MAST2: variants seen among roughly 807,000 people sequenced by gnomAD.
MAST2 encodes microtubule-associated serine/threonine-protein kinase 2.
MAST2 carries 70 observed loss-of-function variants against 147.4 expected under a neutral mutation model. That is an observed-to-expected ratio of 0.47 (90% CI 0.39 to 0.58). MAST2 has a LOEUF of 0.58. Ranked by LOEUF, MAST2 falls within the 20% of genes least tolerant of loss-of-function variation. The pLI, the probability that MAST2 is intolerant of heterozygous loss-of-function variation, is 0.00. For missense variants in MAST2, 2,080 were observed against 2,302.3 expected (o/e 0.90, Z 1.98); for synonymous variants, 869 against 896.8 (o/e 0.97, Z 0.55).
rs1553239188 is a variant in MAST2, at chr1:45,939,989, T to TTTGTTTTTTTTG, written c.501-19395_501-19394insGTTTTTTTTGTT. 3.1e-5 allele frequency among the ~76,000 whole-genome samples: 4 copies of TTTGTTTTTTTTG among 128,882 alleles called. 1 individual carries two copies. Among genetic ancestry groups the TTTGTTTTTTTTG allele is most frequent in the Admixed American group, 1.6e-4 (2 of 12,136 alleles). 84.6% of individuals were successfully genotyped at this position (128,882 alleles called of 152,430 possible). A position where few individuals can be genotyped will look rare whatever the true frequency, so the allele number is the denominator to read the frequency against. On this transcript the variant is annotated intron_variant, in intron 4 of 28. Transcript: ENST00000361297. ...TCTCTATTTATTTAGGGTTTTTTTT[T>TTTGTTTTTTTTG]TTTTTTTTTTTTGAGATGGAGTTTC...
Position 45,940,306 on chromosome 1 carries a change from A to G in MAST2, c.501-19080A>G, listed in dbSNP as rs115845372. ...CCATGCCCGGCCTATTTAGCTTTTT[A>G]AAATTTTCTTTTAGTGTTTCATAGT... is the stretch of plus-strand genomic sequence containing the variant. On this transcript the variant is annotated intron_variant, in intron 4 of 28. Coordinates refer to ENST00000361297, the MANE Select transcript of MAST2 (RefSeq NM_015112.3). Among the ~76,000 whole-genome samples, 508 of 152,018 alleles carry G rather than the reference A, an allele frequency of 3.3e-3. 6 individuals carry two copies. The highest frequency in any genetic ancestry group is 0.012 in the African/African-American group (494 of 41,480).
In MAST2 at chr1:46,035,981, G is replaced by C. The variant is rs1352219787; in HGVS notation, c.5312G>C (p.Ser1771Thr). ...GCPLTQKSEP[S>T]LRRGQEPGGH... Reference sequence around the variant, plus strand: ...CCCCTCACCCAGAAGTCTGAGCCCAGCCTCAGGAGGGGCCAAGAACCAGGG... The same window carrying C: ...CCCCTCACCCAGAAGTCTGAGCCCACCCTCAGGAGGGGCCAAGAACCAGGG... The change falls in exon 29 of 29, where the codon AGC becomes ACC. Residue 1771 changes from serine (S) to threonine (T), a missense_variant. Ser to Thr is a moderately conservative substitution (Grantham distance 58). Coordinates refer to ENST00000361297, the MANE Select transcript of MAST2 (RefSeq NM_015112.3). The surrounding 1 kb of genome is among the most constrained non-coding windows in gnomAD (Gnocchi z 5.5). 1 of 1,613,930 alleles carries C rather than the reference G, an allele frequency of 6.2e-7. No individual in the cohort carries two copies. Among genetic ancestry groups the C allele is most frequent in the Non-Finnish European group, 8.5e-7 (1 of 1,180,034 alleles).
chr1:45,949,426 C>T (rs1479506403), intron 4 of MAST2, among the ~76,000 whole-genome samples: 4 of 152,102 alleles, frequency 2.6e-5, no homozygotes, highest in African/African-American at 9.7e-5. Context: ...AGATACTTTT[C>T]AAAAGAAGGC....
intron 3 of MAST2, among the ~76,000 whole-genome samples, chr1:45,880,138 A>G (rs1646779906): frequency 6.6e-6 from 1 of 152,194 alleles, no homozygotes; most frequent in African/African-American, 2.4e-5. Context: ...GAAGTGAAAT[A>G]TAGCTTGTCA....
At position 45,999,254 on chromosome 1, in the gene MAST2, G is replaced by A. The variant is rs145572801; in HGVS notation, c.668+1455G>A. Among the ~76,000 whole-genome samples, 192 of 152,250 alleles carry A rather than the reference G, an allele frequency of 1.3e-3. 2 individuals are homozygous for A. The East Asian group carries it at 0.014, about 11-fold the overall frequency. The stretch of plus-strand genomic sequence containing the variant: ...TTCAAAACAAATTTTATCCAGGTTT[G>A]TTCCACGGGCTCATCTCTCCTACCC... On this transcript the variant is annotated intron_variant, in intron 6 of 28. Coordinates refer to ENST00000361297, the MANE Select transcript of MAST2 (RefSeq NM_015112.3).
intron 5 of MAST2, among the ~76,000 whole-genome samples, chr1:45,964,552 C>T (rs562466133): frequency 1.2e-4 from 19 of 152,204 alleles, no homozygotes; most frequent in East Asian, 3.9e-4. Context: ...TCTGTGGGAT[C>T]GGTGGTGATA....
intron 18 of MAST2, 155 bp downstream of exon 18, chr1:46,029,088 C>T (rs1646531179): frequency 4.9e-6 from 4 of 820,576 alleles, no homozygotes; most frequent in African/African-American, 1.7e-5. Flanking sequence ...CTCTGTGTTT[C>T]TGCATGTACA....
At chr1:45,839,895 A>G (rs913306525) in intron 3 of MAST2, among the ~76,000 whole-genome samples, 1 of 152,246 alleles carries the variant, frequency 6.6e-6, no homozygotes, top group Non-Finnish European at 1.5e-5. Context: ...GGTAGTCTTC[A>G]TAACAAATGG....
intron 3 of MAST2, among the ~76,000 whole-genome samples, chr1:45,844,123 A>T (rs1052384938): frequency 2.0e-5 from 3 of 152,122 alleles, no homozygotes; most frequent in African/African-American, 7.2e-5. Flanking sequence ...TTTTTGAGAC[A>T]GGATCTTGCT....
intron 1 of MAST2, among the ~76,000 whole-genome samples, chr1:45,820,402 T>C (rs1644585200): frequency 6.6e-6 from 1 of 152,178 alleles, no homozygotes; most frequent in Admixed American, 6.5e-5. Flanking sequence ...AGAATTTTTT[T>C]TTGGTTGCTA....
chr1:45,898,039 G>A (rs1461638498), intron 4 of MAST2, among the ~76,000 whole-genome samples: 1 of 152,134 alleles, frequency 6.6e-6, no homozygotes, highest in African/African-American at 2.4e-5. Context: ...AACCTGGGAG[G>A]TGGAGGTTGC....
In MAST2 at chr1:45,803,820, C is replaced by G. The variant is rs1308889215; in HGVS notation, c.-76C>G. On this transcript the variant is annotated 5_prime_UTR_variant, in exon 1 of 29. Transcript: ENST00000361297. ...TGGTGGCCGCGGGTGGTGGTTGGCGCGGCTGCGCTGCGGCCCGGGGCAGTG... is the reference window on the plus strand; with the variant it reads ...TGGTGGCCGCGGGTGGTGGTTGGCGGGGCTGCGCTGCGGCCCGGGGCAGTG... 1 of 397,386 alleles carries G rather than the reference C, an allele frequency of 2.5e-6. No individual in the cohort carries two copies. The highest frequency in any genetic ancestry group is 2.1e-5 in the African/African-American group (1 of 47,874). The allele number at this position is 397,386 out of a possible 1,614,324, so 24.6% of individuals were successfully genotyped here. A position where few individuals can be genotyped will look rare whatever the true frequency, so the allele number is the denominator to read the frequency against.
At chr1:45,982,859 A>G (rs1265711774) in intron 5 of MAST2, among the ~76,000 whole-genome samples, 1 of 152,166 alleles carries the variant, frequency 6.6e-6, no homozygotes, top group Admixed American at 6.6e-5. Context: ...TGTGGGGTCT[A>G]TGCTAACTCT....
chr1:46,031,318 C>T lies in MAST2; in HGVS notation c.2992+28C>T. Reference sequence around the variant, plus strand: ...ATGGCCCAGTGGGCGGCCAAACGACCTAAGCTGGAGGATACTGCAGGGCAG... The same window carrying T: ...ATGGCCCAGTGGGCGGCCAAACGACTTAAGCTGGAGGATACTGCAGGGCAG... On this transcript the variant is annotated intron_variant, in intron 23 of 28. Transcript: ENST00000361297. The surrounding 1 kb of genome is among the most constrained non-coding windows in gnomAD (Gnocchi z 4.1). The T allele has an allele frequency of 6.5e-7, 1 of 1,549,322 alleles. No individual in the cohort carries two copies. Among genetic ancestry groups the T allele is most frequent in the Non-Finnish European group, 8.7e-7 (1 of 1,144,214 alleles).
chr1:45,913,568 G>T, intron 4 of MAST2: 1 of 987,532 alleles, frequency 1.0e-6, no homozygotes, highest in Non-Finnish European at 1.2e-6. Flanking sequence ...AATGATGTCA[G>T]GCAGATCAGA....
intron 1 of MAST2, among the ~76,000 whole-genome samples, chr1:45,821,362 ATTAT>A (rs1489548119): frequency 6.6e-6 from 1 of 151,880 alleles, no homozygotes; most frequent in Non-Finnish European, 1.5e-5. Context: ...TGCTTTGAAT[ATTAT>A]TTCTTTGCCA....
intron 3 of MAST2, among the ~76,000 whole-genome samples, chr1:45,872,662 G>A (rs1646444627): frequency 6.6e-6 from 1 of 152,032 alleles, no homozygotes; most frequent in South Asian, 2.1e-4. Flanking sequence ...CTTATTTTTA[G>A]AAGAGACGGG....
chr1:45,942,491 C>T (rs934822251), intron 4 of MAST2, among the ~76,000 whole-genome samples: 4 of 152,152 alleles, frequency 2.6e-5, no homozygotes, highest in Admixed American at 2.6e-4. Flanking sequence ...GAATTCGGTG[C>T]TTGTACACCA....
chr1:45,950,658 C>G (rs934995616), intron 4 of MAST2, among the ~76,000 whole-genome samples: 1 of 152,118 alleles, frequency 6.6e-6, no homozygotes, highest in Admixed American at 6.6e-5. Flanking sequence ...ACCCTCAAAT[C>G]AGGTATCATA....
Sources: gnomAD v4.1 joint callset for allele counts (sites outside exome capture counted in the v4.1 genomes callset) on GRCh38, gnomAD v4.1.1 for gene constraint, Gnocchi (gnomAD v3.1) non-coding constraint, MANE v1.5 for transcripts, NCBI Gene and HGNC (gene_info 2026-07-23, HGNC 2026-07-21) for gene names.